ZNF862: variants seen among roughly 807,000 people sequenced by gnomAD.
ZNF862 encodes the protein zinc finger protein 862.
ZNF862 carries 64 observed loss-of-function variants against 91.1 expected under a neutral mutation model. The observed-to-expected ratio is 0.70, with a 90% CI of 0.57 to 0.87. The LOEUF (loss-of-function observed/expected upper bound fraction) is 0.87. Among genes scored for constraint, ZNF862 ranks in the 40% least tolerant of loss-of-function variants. ZNF862 has a pLI of 0.00. For synonymous variants in ZNF862, 631 were observed against 618.1 expected (o/e 1.02, Z -0.31); for missense variants, 1,459 against 1,528.0 (o/e 0.95, Z 0.75).
At chr7:149,852,937 A>C (rs1385368143) in intron 5 of ZNF862, among the ~76,000 whole-genome samples, 1 of 152,184 alleles carries the variant, frequency 6.6e-6, no homozygotes, top group Non-Finnish European at 1.5e-5. Context: ...TCACTCATGG[A>C]AAACAACACT....
At chr7:149,859,697 G>A (rs1231242657) in intron 6 of ZNF862, 171 bp downstream of exon 6, 13 of 591,202 alleles carry the variant, frequency 2.2e-5, no homozygotes, top group Non-Finnish European at 3.9e-5. Flanking sequence ...CCTGCCCACA[G>A]AGTGTAGAGT....
rs1430084050 is a variant in ZNF862 at position 149,864,440 on chromosome 7, G to C, written c.*156G>C. The C allele has an allele frequency of 2.8e-6, 2 of 717,990 alleles. No individual in the cohort carries two copies. Among genetic ancestry groups the C allele is most frequent in the Admixed American group, 2.9e-5 (1 of 34,602 alleles). 44.5% of individuals were successfully genotyped at this position (717,990 alleles called of 1,614,324 possible). ...GCATCCCAGAGCAGCAGGGGTATCA[G>C]GAGGTGCATGACCTGTTTCCTGAGG... is the stretch of plus-strand genomic sequence containing the variant. On this transcript the variant is annotated 3_prime_UTR_variant, in exon 8 of 8. Transcript: ENST00000223210.
At chr7:149,859,832 C>T (rs1472269472) in intron 6 of ZNF862, 2 of 356,018 alleles carry the variant, frequency 5.6e-6, no homozygotes, top group African/African-American at 2.1e-5. Context: ...ACCCAGAGAT[C>T]TGTGAGCCTC....
intron 3 of ZNF862, 106 bp from the exon 4 acceptor site, chr7:149,847,629 G>C (rs990267290): frequency 1.7e-6 from 1 of 594,360 alleles, no homozygotes; most frequent in Non-Finnish European, 2.9e-6. Flanking sequence ...GTGTGTGTGT[G>C]TGTGCTTTCC....
At chr7:149,860,022 G>T in intron 6 of ZNF862, 1 of 308,594 alleles carries the variant, frequency 3.2e-6, no homozygotes, top group African/African-American at 2.2e-5. Context: ...TTCTATTGTG[G>T]AGCCTCACAC....
At position 149,844,606 on chromosome 7, in the gene ZNF862, G is replaced by C. The variant is rs1801809999; in HGVS notation, c.25-19G>C. The C allele has an allele frequency of 1.3e-6, 2 of 1,537,644 alleles. No homozygotes were observed. The highest frequency in any genetic ancestry group is 1.4e-5 in the African/African-American group (1 of 73,220). On this transcript the variant is annotated intron_variant, in intron 1 of 7. Transcript: ENST00000223210. ...CTAAGGAAGAGAGTGGTACTTAGCA[G>C]CTGTCATTTTCCTTTCAGGCTCCTG... is the stretch of plus-strand genomic sequence containing the variant.
chr7:149,863,033 G>A (rs1802576224), intron 7 of ZNF862, among the ~76,000 whole-genome samples: 1 of 152,204 alleles, frequency 6.6e-6, no homozygotes, highest in South Asian at 2.1e-4. Flanking sequence ...GAGGAGGTGA[G>A]ATGCGGAGGA....
At position 149,866,877 on chromosome 7, in the gene ZNF862, G is replaced by A. The variant is rs984178976; in HGVS notation, c.*2593G>A. ...CCAGGCTGGCCCCTTTGCTTTGTTTGGAGAGGCTGGCTGAGTTTCAGCCCC... is the reference window on the plus strand; with the variant it reads ...CCAGGCTGGCCCCTTTGCTTTGTTTAGAGAGGCTGGCTGAGTTTCAGCCCC... On this transcript the variant is annotated 3_prime_UTR_variant, in exon 8 of 8. Coordinates refer to ENST00000223210, the MANE Select transcript of ZNF862 (RefSeq NM_001099220.3). The A allele has an allele frequency of 3.1e-4, 47 of 152,200 alleles. No homozygotes were observed. Among genetic ancestry groups the A allele is most frequent in the African/African-American group, 1.1e-3 (45 of 41,420 alleles). 9.4% of individuals were successfully genotyped at this position (152,200 alleles called of 1,614,324 possible).
Position 149,867,337 on chromosome 7 carries a change from G to C in ZNF862, c.*3053G>C, listed in dbSNP as rs893453126. On this transcript the variant is annotated 3_prime_UTR_variant, in exon 8 of 8. Coordinates refer to ENST00000223210, the MANE Select transcript of ZNF862 (RefSeq NM_001099220.3). The stretch of plus-strand genomic sequence containing the variant: ...GTGGAGGGGCGGGTCCCTCATACAG[G>C]TGTGTGCTTAGCCAAATACAGTAAC... The C allele has an allele frequency of 6.6e-6, 1 of 152,198 alleles. No homozygotes were observed. The highest frequency in any genetic ancestry group is 2.4e-5 in the African/African-American group (1 of 41,426). The allele number at this position is 152,198 out of a possible 1,614,324, so 9.4% of individuals were successfully genotyped here.
rs1802487860 is a variant in ZNF862 at position 149,861,340 on chromosome 7, A to T, written c.2180A>T (p.His727Leu). 2 of 1,612,956 alleles carry T rather than the reference A, an allele frequency of 1.2e-6. No individual in the cohort carries two copies. The highest frequency in any genetic ancestry group is 1.3e-5 in the African/African-American group (1 of 74,932). Reference sequence around the variant, plus strand: ...CTGCTGCCTGTCCACTGCGTGGCCCACCGGCTGCACCTGGCTGTGGTGGAC... The same window carrying T: ...CTGCTGCCTGTCCACTGCGTGGCCCTCCGGCTGCACCTGGCTGTGGTGGAC... ...PQLLPVHCVA[H>L]RLHLAVVDAC... Residue 727 changes from histidine to leucine, a missense_variant, in exon 7 of 8, where the codon CAC becomes CTC. Physicochemically the swap from His to Leu is moderately conservative, Grantham distance 99. Transcript: ENST00000223210. This position sits in a 1 kb window ranked among gnomAD's most constrained non-coding sequence, Gnocchi z 6.7.
chr7:149,861,919 A>G lies in ZNF862; in HGVS notation c.2759A>G (p.Asp920Gly), dbSNP rs1427020155. The stretch of plus-strand genomic sequence containing the variant: ...GTAGCGGAACAGCGGTTCCAGGCGG[A>G]TAGGGAGAGGACAGTCCTGACGGGG... ...LEVAEQRFQA[D>G]RERTVLTGIE... is the part of the protein sequence containing the mutation. The change falls in exon 7 of 8, where the codon GAT (aspartate) becomes GGT (glycine). Residue 920 changes from aspartate to glycine, a missense_variant. Coordinates refer to ENST00000223210, the MANE Select transcript of ZNF862 (RefSeq NM_001099220.3). This position sits in a 1 kb window ranked among gnomAD's most constrained non-coding sequence, Gnocchi z 6.7. 55 of 1,613,580 alleles carry G rather than the reference A, an allele frequency of 3.4e-5. No individual in the cohort carries two copies. Among genetic ancestry groups the G allele is most frequent in the Non-Finnish European group, 4.4e-5 (52 of 1,179,878 alleles).
At chr7:149,854,394 G>A (rs1345919861) in intron 5 of ZNF862, among the ~76,000 whole-genome samples, 1 of 152,202 alleles carries the variant, frequency 6.6e-6, no homozygotes, top group African/African-American at 2.4e-5. Context: ...CAGATGCTGG[G>A]CTATAGAGAC....
At chr7:149,854,512 A>C (rs1431108710) in intron 5 of ZNF862, among the ~76,000 whole-genome samples, 1 of 152,162 alleles carries the variant, frequency 6.6e-6, no homozygotes, top group African/African-American at 2.4e-5. Flanking sequence ...TTATATTATA[A>C]CTTTGCTTTC....
chr7:149,860,176 G>A (rs1045051516), intron 6 of ZNF862: 11 of 580,468 alleles, frequency 1.9e-5, no homozygotes, highest in African/African-American at 1.9e-4. Context: ...ACAAGGATTA[G>A]CAACAACTCT....
chr7:149,848,041 G>T lies in ZNF862; in HGVS notation c.548G>T (p.Gly183Val). Residue 183 changes from glycine to valine, a missense_variant, in exon 4 of 8, where the codon GGA becomes GTA. Coordinates refer to ENST00000223210, the MANE Select transcript of ZNF862 (RefSeq NM_001099220.3). ...TCAAGACTAATAGAAGGTTATACAG[G>T]ACCATTCAAGGTGGAGACTCTCAAA... is the stretch of plus-strand genomic sequence containing the variant. ...KRSRLIEGYT[G>V]PFKVETLKYH... 1.2e-6 allele frequency: 2 copies of T among 1,613,976 alleles called. No homozygotes were observed. The highest frequency in any genetic ancestry group is 2.7e-5 in the African/African-American group (2 of 75,052).
In ZNF862 at chr7:149,861,554, C is replaced by T. The variant is rs781134784; in HGVS notation, c.2394C>T (p.His798=). Residue 798 remains histidine, a synonymous_variant, in exon 7 of 8, where the codon CAC becomes CAT. Transcript: ENST00000223210. This position sits in a 1 kb window ranked among gnomAD's most constrained non-coding sequence, Gnocchi z 6.7. The stretch of plus-strand genomic sequence containing the variant: ...TGGCCAGCAGGAGGCGCACGCTGCA[C>T]GCGCTGCTCGTGAGCTGGCCCGCCC... ...RWVASRRRTL[H]ALLVSWPALA... 18 of 1,597,450 alleles carry T rather than the reference C, an allele frequency of 1.1e-5. No homozygotes were observed. Among genetic ancestry groups the T allele is most frequent in the African/African-American group, 1.3e-5 (1 of 74,642 alleles).
intron 2 of ZNF862, 30 bp from the exon 3 acceptor site, chr7:149,846,121 T>G: frequency 2.6e-6 from 4 of 1,537,294 alleles, no homozygotes; most frequent in East Asian, 2.3e-5. Flanking sequence ...TTTCTCTCTC[T>G]CTCGCTCTCT....
intron 5 of ZNF862, among the ~76,000 whole-genome samples, chr7:149,853,419 C>T (rs187893383): frequency 2.6e-5 from 4 of 152,238 alleles, no homozygotes; most frequent in South Asian, 2.1e-4. Flanking sequence ...TCATAGAAAA[C>T]GCTGAAAATT....
chr7:149,859,250 C>T (rs879448332), intron 5 of ZNF862, 172 bp from the exon 6 acceptor site: 57 of 650,658 alleles, frequency 8.8e-5, no homozygotes, highest in Non-Finnish European at 1.3e-4. Flanking sequence ...CCTCCCCTTA[C>T]TGCCTCTTTG....
Sources: allele counts gnomAD v4.1 joint callset (sites outside exome capture counted in the v4.1 genomes callset), GRCh38; gene constraint gnomAD v4.1.1; non-coding constraint Gnocchi (gnomAD v3.1); transcripts MANE v1.5; gene names NCBI Gene and HGNC (gene_info 2026-07-23, HGNC 2026-07-21).